DAB2IP: variants seen among roughly 807,000 people sequenced by gnomAD.
DAB2IP encodes the protein disabled homolog 2-interacting protein.
DAB2IP carries 28 observed loss-of-function variants against 107.2 expected under a neutral mutation model. The ratio of observed to expected loss-of-function variants is 0.26; its 90% CI spans 0.19 to 0.36. The LOEUF (loss-of-function observed/expected upper bound fraction) is 0.36. Ranked by LOEUF, DAB2IP falls within the 10% of genes least tolerant of loss-of-function variation. DAB2IP has a pLI of 1.00. For missense variants in DAB2IP, 1,400 were observed against 1,644.7 expected, an observed-to-expected ratio of 0.85 and a Z score of 2.57; for synonymous variants, 755 against 706.4, an observed-to-expected ratio of 1.07 and a Z score of -1.09.
intron 3 of DAB2IP, among the ~76,000 whole-genome samples, chr9:121,732,268 A>C (rs796657181): frequency 6.6e-5 from 10 of 152,318 alleles, no homozygotes; most frequent in Admixed American, 2.0e-4. Context: ...AATTTACTCT[A>C]TATTTTTTAG....
At chr9:121,780,879 C>T (rs7035139) in intron 14 of DAB2IP, among the ~76,000 whole-genome samples, 1,696 of 152,290 alleles carry the variant, frequency 0.011, 18 homozygotes, top group African/African-American at 0.039. Context: ...TACTGATGTG[C>T]GACCTCCCAG....
intron 1 of DAB2IP, among the ~76,000 whole-genome samples, chr9:121,606,777 T>G (rs2118965753): frequency 6.9e-6 from 1 of 144,610 alleles, no homozygotes; most frequent in East Asian, 2.0e-4. Context: ...TTGTTTTTTG[T>G]TTTTTTTTTT....
At chr9:121,745,468 C>T (rs1832658116) in intron 3 of DAB2IP, among the ~76,000 whole-genome samples, 3 of 152,186 alleles carry the variant, frequency 2.0e-5, no homozygotes, top group East Asian at 1.9e-4. Context: ...TAGTTACAGC[C>T]TGAGAAGCAG....
intron 8 of DAB2IP, among the ~76,000 whole-genome samples, chr9:121,764,557 G>A (rs922470851): frequency 1.3e-5 from 2 of 152,206 alleles, no homozygotes; most frequent in Non-Finnish European, 2.9e-5. Context: ...GTATAGCCTC[G>A]TTCTGTGGTG....
chr9:121,604,619 C>T (rs1371718065), intron 1 of DAB2IP, among the ~76,000 whole-genome samples: 1 of 152,204 alleles, frequency 6.6e-6, no homozygotes, highest in Non-Finnish European at 1.5e-5. Flanking sequence ...CAAATTCTTC[C>T]TGCCCCTCTG....
exon 8 of DAB2IP, chr9:121,763,735 G>A (rs768208874): frequency 1.9e-6 from 3 of 1,613,824 alleles, no homozygotes; most frequent in Admixed American, 3.3e-5. Context: ...TTGTCCATAG[G>A]TGAGTTCATC....
intron 4 of DAB2IP, among the ~76,000 whole-genome samples, chr9:121,757,573 A>G (rs1157502433): frequency 6.6e-6 from 1 of 152,092 alleles, no homozygotes; most frequent in African/African-American, 2.4e-5. Context: ...GTGAACAATG[A>G]GAGCCCAAAT....
intron 1 of DAB2IP, among the ~76,000 whole-genome samples, chr9:121,677,357 A>G (rs1388123534): frequency 6.6e-6 from 1 of 151,920 alleles, no homozygotes; most frequent in Non-Finnish European, 1.5e-5. Flanking sequence ...CATCTCTACA[A>G]TTTTTTTTAA....
chr9:121,685,670 T>C lies in DAB2IP; in HGVS notation c.228+6889T>C, dbSNP rs577588643. Among the ~76,000 whole-genome samples, 29 of 152,368 alleles carry C rather than the reference T, an allele frequency of 1.9e-4. No homozygotes were observed. In the South Asian group the frequency reaches 6.0e-3, roughly 32 times the overall value. On this transcript the variant is annotated intron_variant, in intron 2 of 15. Coordinates refer to ENST00000408936, the Ensembl canonical transcript of DAB2IP. Reference sequence around the variant, plus strand: ...CTTTTGCCTTTCTTTATTCTTTCTTTCGATAAATTTGCCATCATCACCAAC... The same window carrying C: ...CTTTTGCCTTTCTTTATTCTTTCTTCCGATAAATTTGCCATCATCACCAAC...
chr9:121,587,964 T>C (rs1157560345), intron 1 of DAB2IP, among the ~76,000 whole-genome samples: 1 of 152,202 alleles, frequency 6.6e-6, no homozygotes, highest in Non-Finnish European at 1.5e-5. Context: ...CCTACCCCCA[T>C]CTCCTCACAT....
Position 121,642,144 on chromosome 9 carries a change from G to A in DAB2IP, c.41-36534G>A, listed in dbSNP as rs376985524. ...TGCCCAGGCTGGAGTAGAGTGACAC[G>A]ATCATAGCTCACTGTAGCCTCAACC... On this transcript the variant is annotated intron_variant, in intron 1 of 16. Transcript: ENST00000259371. 4.1e-5 allele frequency among the ~76,000 whole-genome samples: 6 copies of A among 147,334 alleles called. No individual in the cohort carries two copies. The South Asian group carries it at 8.7e-4, about 21-fold the overall frequency.
chr9:121,715,350 TC>T (rs72148793), intron 3 of DAB2IP, among the ~76,000 whole-genome samples: 6,647 of 150,318 alleles, frequency 0.044, 334 homozygotes, highest in African/African-American at 0.11. Context: ...TTTCTTTCTT[TC>T]TTTTTTTTTT....
intron 3 of DAB2IP, among the ~76,000 whole-genome samples, chr9:121,739,341 G>A (rs779443231): frequency 3.9e-5 from 6 of 152,236 alleles, no homozygotes; most frequent in Non-Finnish European, 7.3e-5. Flanking sequence ...TGAGGTCAGA[G>A]AGTAGGTAGG....
At chr9:121,586,806 T>TAA (rs902417135) in intron 1 of DAB2IP, among the ~76,000 whole-genome samples, 1 of 140,130 alleles carries the variant, frequency 7.1e-6, no homozygotes. Context: ...GGTGACAAAG[T>TAA]AAAAAAAAAA....
At chr9:121,726,815 C>T (rs959116382) in intron 3 of DAB2IP, among the ~76,000 whole-genome samples, 8 of 152,142 alleles carry the variant, frequency 5.3e-5, no homozygotes, top group African/African-American at 1.9e-4. Context: ...GAGGAAGAAG[C>T]TGGCGACTGA....
chr9:121,620,200 G>T (rs1464267628), intron 1 of DAB2IP, among the ~76,000 whole-genome samples: 4 of 152,186 alleles, frequency 2.6e-5, no homozygotes, highest in African/African-American at 9.7e-5. Context: ...CTGCTGCCTG[G>T]GCCAGCTGCT....
intron 3 of DAB2IP, among the ~76,000 whole-genome samples, chr9:121,710,586 G>A (rs1047383567): frequency 2.0e-5 from 3 of 152,206 alleles, no homozygotes; most frequent in African/African-American, 4.8e-5. Context: ...TATAATGCTG[G>A]GTGAGGTGGG....
chr9:121,749,034 G>C (rs1489522278), intron 3 of DAB2IP, among the ~76,000 whole-genome samples: 1 of 152,224 alleles, frequency 6.6e-6, no homozygotes, highest in Admixed American at 6.5e-5. Context: ...TGTCATCCCT[G>C]GAAGACTTCC....
At chr9:121,693,726 T>G (rs2118702283) in intron 2 of DAB2IP, among the ~76,000 whole-genome samples, 1 of 152,206 alleles carries the variant, frequency 6.6e-6, no homozygotes, top group Middle Eastern at 3.4e-3. Context: ...GCAGCCCAGG[T>G]CAGTCTGTTG....
Sources: gnomAD v4.1 joint callset for allele counts (sites outside exome capture counted in the v4.1 genomes callset) on GRCh38, gnomAD v4.1.1 for gene constraint, MANE v1.5 for transcripts, NCBI Gene and HGNC (gene_info 2026-07-23, HGNC 2026-07-21) for gene names.